Variants in ERG observed in about 807,000 individuals in gnomAD.
ERG encodes transcriptional regulator ERG.
Under a neutral mutation model 55.3 loss-of-function variants are expected in ERG, and 9 were observed. The observed-to-expected ratio is 0.16, with a 90% confidence interval of 0.10 to 0.28. The LOEUF is 0.28. Ranked by LOEUF, ERG falls within the 10% of genes least tolerant of loss-of-function variation. The probability of loss-of-function intolerance (pLI) is 1.00; values close to 1 mark genes in which losing one functional copy is unlikely to be tolerated. For synonymous variants in ERG, 223 were observed against 237.3 expected, an observed-to-expected ratio of 0.94 and a Z score of 0.55; for missense variants, 434 against 631.6, an observed-to-expected ratio of 0.69 and a Z score of 3.35.
chr21:38,392,293 C>T, intron 7 of ERG, 83 bp downstream of exon 7: 1 of 1,195,546 alleles, frequency 8.4e-7, no homozygotes, highest in Non-Finnish European at 1.2e-6. Flanking sequence ...CACAGATTAA[C>T]CACAGAAATT....
At chr21:38,387,753 GCTGA>G (rs1218935335) in intron 9 of ERG, among the ~76,000 whole-genome samples, 1 of 152,196 alleles carries the variant, frequency 6.6e-6, no homozygotes, top group African/African-American at 2.4e-5. Context: ...CTATTCTTGG[GCTGA>G]CTGATATCCT....
In ERG at chr21:38,535,542, TTA is replaced by T. The variant is rs767376402; in HGVS notation, c.-41+40118_-41+40119del. Among the ~76,000 whole-genome samples, 207 of 151,730 alleles carry T rather than the reference TTA, an allele frequency of 1.4e-3. 1 individual carries two copies. Among genetic ancestry groups the T allele is most frequent in the Middle Eastern group, 6.9e-3 (2 of 288 alleles). On this transcript the variant is annotated intron_variant, in intron 2 of 8. Transcript: ENST00000398897. ...ATATTTTATGATTTTCAAAACACCT[TTA>T]TTTTTTTCCCTTATTTGTTCATTCC... is the stretch of plus-strand genomic sequence containing the variant.
At chr21:38,571,346 A>G (rs9975915) in intron 2 of ERG, among the ~76,000 whole-genome samples, 23,446 of 151,854 alleles carry the variant, frequency 0.15, 1,872 homozygotes, top group East Asian at 0.21. Context: ...CCTTGTCTCT[A>G]CAAAAAAAAT....
At chr21:38,426,241 A>AT (rs1473451560) in intron 2 of ERG, among the ~76,000 whole-genome samples, 3 of 152,168 alleles carry the variant, frequency 2.0e-5, no homozygotes, top group Non-Finnish European at 4.4e-5. Flanking sequence ...TCTTGATGCT[A>AT]TTTTTCCTGG....
At chr21:38,564,090 A>G (rs1313185463) in intron 2 of ERG, among the ~76,000 whole-genome samples, 3 of 152,176 alleles carry the variant, frequency 2.0e-5, no homozygotes, top group Non-Finnish European at 2.9e-5. Flanking sequence ...GAGAAAAAAA[A>G]AAACTGCTGC....
chr21:38,573,833 C>T (rs2059978427), intron 2 of ERG, among the ~76,000 whole-genome samples: 1 of 152,162 alleles, frequency 6.6e-6, no homozygotes, highest in African/African-American at 2.4e-5. Context: ...GTCTCTCGTC[C>T]CACCTGACTA....
chr21:38,461,788 A>G (rs955044997), intron 1 of ERG, among the ~76,000 whole-genome samples: 3 of 152,234 alleles, frequency 2.0e-5, no homozygotes, highest in African/African-American at 7.2e-5. Flanking sequence ...TTGTGTTAAC[A>G]TGCAATGAGT....
intron 2 of ERG, among the ~76,000 whole-genome samples, chr21:38,569,539 C>T (rs1472161744): frequency 6.6e-6 from 1 of 152,250 alleles, no homozygotes; most frequent in African/African-American, 2.4e-5. Context: ...AATTTTTCCT[C>T]TCTCTTCTTT....
At chr21:38,642,480 A>G (rs1396873556) in intron 1 of ERG, among the ~76,000 whole-genome samples, 3 of 152,240 alleles carry the variant, frequency 2.0e-5, no homozygotes, top group Admixed American at 6.5e-5. Flanking sequence ...AAATCCATAT[A>G]CACAGACCCA....
rs944211190 is a variant in ERG at position 38,380,708 on chromosome 21, C to T, written c.*2695G>A. ...AGGAACTCAGTATTATCATGTTATC[C>T]AAAATTATCCCAGTTGCTCATAAGA... On this transcript the variant is annotated 3_prime_UTR_variant, in exon 10 of 10. Transcript: ENST00000288319. 7 of 1,064,814 alleles carry T rather than the reference C, an allele frequency of 6.6e-6. No homozygotes were observed. The highest frequency in any genetic ancestry group is 8.0e-6 in the Non-Finnish European group (7 of 879,024). 66.0% of individuals were successfully genotyped at this position (1,064,814 alleles called of 1,614,324 possible).
intron 1 of ERG, chr21:38,661,620 C>T (rs1039277483): frequency 1.3e-5 from 2 of 152,316 alleles, no homozygotes; most frequent in African/African-American, 4.8e-5. Flanking sequence ...CAGAAGTTTT[C>T]GTTTCTACGC....
At chr21:38,472,337 A>G (rs1179103265) in intron 1 of ERG, among the ~76,000 whole-genome samples, 1 of 152,216 alleles carries the variant, frequency 6.6e-6, no homozygotes, top group Non-Finnish European at 1.5e-5. Flanking sequence ...TGTAAAGTCA[A>G]TGACGGGATT....
intron 1 of ERG, among the ~76,000 whole-genome samples, chr21:38,483,134 G>A: frequency 6.6e-6 from 1 of 152,170 alleles, no homozygotes; most frequent in Non-Finnish European, 1.5e-5. Flanking sequence ...AAGACTCAAT[G>A]GGGAAATGGG....
At chr21:38,422,245 G>A (rs542809901) in intron 3 of ERG, among the ~76,000 whole-genome samples, 49 of 152,180 alleles carry the variant, frequency 3.2e-4, no homozygotes, top group Non-Finnish European at 2.4e-4. Context: ...CTGAGCTGAC[G>A]CCAAATTCAA....
the ERG span, among the ~76,000 whole-genome samples, chr21:38,370,582 T>A: frequency 6.6e-6 from 1 of 152,144 alleles, no homozygotes; most frequent in Non-Finnish European, 1.5e-5. Context: ...TAATCATATA[T>A]GTGTGACTGA....
At chr21:38,392,348 C>A (rs753741796) in intron 7 of ERG, 28 bp downstream of exon 7, 2 of 1,548,446 alleles carry the variant, frequency 1.3e-6, no homozygotes, top group East Asian at 4.8e-5. Context: ...TGACATGAAA[C>A]TCAGGGTCAT....
chr21:38,614,067 A>G lies in ERG; in HGVS notation c.-149-29122T>C, dbSNP rs560152936. On this transcript the variant is annotated intron_variant, in intron 1 of 10. Coordinates refer to the ERG transcript ENST00000398910. ...ACAGTGGGGGAAGCCAAGGTTCAGC[A>G]AACGGGATTCTTCCCTCAGGCTTCA... 4.0e-5 allele frequency among the ~76,000 whole-genome samples: 6 copies of G among 149,690 alleles called. No individual in the cohort carries two copies. The South Asian group carries it at 1.3e-3, about 31-fold the overall frequency.
chr21:38,615,862 C>T (rs531765437), intron 1 of ERG, among the ~76,000 whole-genome samples: 42 of 151,952 alleles, frequency 2.8e-4, no homozygotes, highest in Non-Finnish European at 5.3e-4. Context: ...AGAAGAGATG[C>T]ATACAGTCAG....
chr21:38,591,534 A>T (rs1411204819), intron 1 of ERG, among the ~76,000 whole-genome samples: 1 of 152,132 alleles, frequency 6.6e-6, no homozygotes, highest in Non-Finnish European at 1.5e-5. Flanking sequence ...TCTACTAAAA[A>T]TACAAAAATT....
Sources: gnomAD v4.1 joint callset for allele counts (sites outside exome capture counted in the v4.1 genomes callset) on GRCh38, gnomAD v4.1.1 for gene constraint, MANE v1.5 for transcripts, NCBI Gene and HGNC (gene_info 2026-07-23, HGNC 2026-07-21) for gene names.